Variants in DLG2 observed in about 807,000 individuals in gnomAD.
DLG2 encodes disks large homolog 2.
DLG2 carries 45 observed loss-of-function variants against 132.5 expected under a neutral mutation model. The ratio of observed to expected loss-of-function variants is 0.34; its 90% confidence interval spans 0.27 to 0.44. The LOEUF is 0.44. Among genes scored for constraint, DLG2 ranks in the 20% least tolerant of loss-of-function variants. The pLI, the probability that DLG2 is intolerant of heterozygous loss-of-function variation, is 1.00. For synonymous variants in DLG2, 424 were observed against 419.6 expected (o/e 1.01, Z -0.13); for missense variants, 1,045 against 1,196.9 (o/e 0.87, Z 1.87).
intron 6 of DLG2, among the ~76,000 whole-genome samples, chr11:84,861,618 C>CAAAAAAAAAAAAAAAAAAAAAAAAA (rs1177657034): frequency 1.4e-4 from 5 of 35,832 alleles, no homozygotes; most frequent in African/African-American, 6.4e-4. Context: ...TTCTACACAG[C>CAAAAAAAAAAAAAAAAAAAAAAAAA]AAAAAAAAAA....
At chr11:83,925,251 A>G (rs1371454784) in intron 15 of DLG2, among the ~76,000 whole-genome samples, 1 of 152,098 alleles carries the variant, frequency 6.6e-6, no homozygotes, top group Non-Finnish European at 1.5e-5. Context: ...GCTGTAGCCC[A>G]TCAGGTGATT....
chr11:84,914,531 C>G (rs185954491), intron 6 of DLG2, among the ~76,000 whole-genome samples: 2 of 152,312 alleles, frequency 1.3e-5, no homozygotes, highest in African/African-American at 4.8e-5. Flanking sequence ...GACCCCAGAT[C>G]CATGGGAGAA....
chr11:85,258,045 C>G (rs1335757431), intron 4 of DLG2, among the ~76,000 whole-genome samples: 1 of 152,164 alleles, frequency 6.6e-6, no homozygotes, highest in African/African-American at 2.4e-5. Context: ...GGTTGTCTTA[C>G]AGACCATTTA....
At chr11:85,062,436 A>C (rs2064254472) in intron 6 of DLG2, among the ~76,000 whole-genome samples, 1 of 151,708 alleles carries the variant, frequency 6.6e-6, no homozygotes, top group Non-Finnish European at 1.5e-5. Context: ...GAGGGTTGTT[A>C]AGAAGATAAT....
At chr11:84,025,830 C>T (rs1395846521) in intron 11 of DLG2, among the ~76,000 whole-genome samples, 2 of 152,016 alleles carry the variant, frequency 1.3e-5, no homozygotes, top group Non-Finnish European at 2.9e-5. Context: ...ATTTATGAGT[C>T]AAACAGCATC....
At position 83,611,598 on chromosome 11, in the gene DLG2, T is replaced by G. The variant is rs577426010; in HGVS notation, c.1940+21613A>C. Among the ~76,000 whole-genome samples, 5 of 152,362 alleles carry G rather than the reference T, an allele frequency of 3.3e-5. 1 individual carries two copies. In the South Asian group the frequency reaches 1.0e-3, roughly 32 times the overall value. ...CTTATCTGTACATAAAAATGGAAATTATTTCAATAACAGCACATCTTTTTC... is the reference window on the plus strand; with the variant it reads ...CTTATCTGTACATAAAAATGGAAATGATTTCAATAACAGCACATCTTTTTC... On this transcript the variant is annotated intron_variant, in intron 19 of 27. Transcript: ENST00000376104.
chr11:85,554,895 G>C (rs1381255157), intron 3 of DLG2, among the ~76,000 whole-genome samples: 1 of 151,136 alleles, frequency 6.6e-6, no homozygotes, highest in African/African-American at 2.4e-5. Context: ...CCAGTCCCAT[G>C]GCCCCCACCC....
chr11:84,194,340 C>G (rs373860561), intron 8 of DLG2, among the ~76,000 whole-genome samples: 4 of 152,076 alleles, frequency 2.6e-5, no homozygotes, highest in Non-Finnish European at 5.9e-5. Context: ...CAGATGTGCC[C>G]GGAGTTTCTT....
At chr11:85,406,692 C>T (rs548669615) in intron 3 of DLG2, among the ~76,000 whole-genome samples, 1 of 151,988 alleles carries the variant, frequency 6.6e-6, no homozygotes, top group South Asian at 2.1e-4. Context: ...TTCATTCATT[C>T]TTTAACAAAT....
intron 3 of DLG2, among the ~76,000 whole-genome samples, chr11:85,317,739 A>G (rs1168699932): frequency 1.3e-5 from 2 of 151,936 alleles, no homozygotes; most frequent in Non-Finnish European, 1.5e-5. Flanking sequence ...AGGGAGCAAG[A>G]TACACTGGGG....
intron 15 of DLG2, among the ~76,000 whole-genome samples, chr11:83,879,740 C>T (rs1291280153): frequency 6.6e-6 from 1 of 152,124 alleles, no homozygotes; most frequent in Non-Finnish European, 1.5e-5. Context: ...GTTAATTGGG[C>T]ACTTATTATA....
chr11:84,392,647 C>G (rs1449597358), intron 7 of DLG2, among the ~76,000 whole-genome samples: 1 of 152,088 alleles, frequency 6.6e-6, no homozygotes, highest in Non-Finnish European at 1.5e-5. Context: ...ACATGTAATT[C>G]TTGCAACAAC....
intron 8 of DLG2, among the ~76,000 whole-genome samples, chr11:84,249,107 T>C (rs1426544352): frequency 1.3e-5 from 2 of 152,210 alleles, no homozygotes; most frequent in Non-Finnish European, 1.5e-5. Flanking sequence ...AGAACCCTAA[T>C]AGGAGGCTTT....
rs140172186 is a variant in DLG2, at chr11:84,522,734, T to C, written c.519+11836A>G. Among the ~76,000 whole-genome samples, 918 of 152,354 alleles carry C rather than the reference T, an allele frequency of 6.0e-3. 10 individuals are homozygous for C. The highest frequency in any genetic ancestry group is 0.021 in the African/African-American group (893 of 41,574). ...CATAAGTTTCCTTTGTATATACCAA[T>C]AGACGCATTTAAAAATTGCCTTCTG... On this transcript the variant is annotated intron_variant, in intron 7 of 27. Transcript: ENST00000376104.
chr11:84,762,381 G>C (rs2067753199), intron 6 of DLG2, among the ~76,000 whole-genome samples: 2 of 152,264 alleles, frequency 1.3e-5, no homozygotes, highest in South Asian at 4.2e-4. Flanking sequence ...TTAATACAAT[G>C]CTCGGAATCT....
At chr11:84,736,413 AC>A (rs2153817905) in intron 6 of DLG2, among the ~76,000 whole-genome samples, 1 of 151,978 alleles carries the variant, frequency 6.6e-6, no homozygotes, top group Non-Finnish European at 1.5e-5. Flanking sequence ...TTCTACACCT[AC>A]AAAAATTTCA....
chr11:83,942,470 A>G (rs1358272915), intron 14 of DLG2, among the ~76,000 whole-genome samples: 2 of 152,234 alleles, frequency 1.3e-5, no homozygotes, highest in Non-Finnish European at 2.9e-5. Flanking sequence ...TTTGTTCAAT[A>G]TCATTTATGA....
chr11:83,784,354 G>C (rs1225672473), intron 18 of DLG2, among the ~76,000 whole-genome samples: 3 of 152,126 alleles, frequency 2.0e-5, no homozygotes, highest in Non-Finnish European at 4.4e-5. Flanking sequence ...GTTAAATTAA[G>C]GCTCAGTTAC....
chr11:83,552,170 T>C (rs944803543), intron 19 of DLG2, among the ~76,000 whole-genome samples: 1 of 152,252 alleles, frequency 6.6e-6, no homozygotes, highest in African/African-American at 2.4e-5. Flanking sequence ...TAGGAGTTGA[T>C]TGTTGCTATG....
Sources: allele counts gnomAD v4.1 joint callset (sites outside exome capture counted in the v4.1 genomes callset), GRCh38; gene constraint gnomAD v4.1.1; transcripts MANE v1.5; gene names NCBI Gene and HGNC (gene_info 2026-07-23, HGNC 2026-07-21).